The following SLC41A3 variants were observed in gnomAD, a reference collection of about 807,000 sequenced individuals.
SLC41A3 encodes solute carrier family 41 member 3.
A neutral mutation model predicts 45.4 loss-of-function variants in SLC41A3; 44 were observed. That is an observed-to-expected ratio of 0.97 (90% confidence interval 0.76 to 1.25). The LOEUF is 1.25. Among genes scored for constraint, SLC41A3 ranks in the 50% most tolerant of loss-of-function variants. The probability of loss-of-function intolerance (pLI) is 0.00; values close to 1 mark genes in which losing one functional copy is unlikely to be tolerated. For missense variants in SLC41A3, 550 were observed against 600.6 expected, an observed-to-expected ratio of 0.92 and a Z score of 0.88; for synonymous variants, 256 against 252.4, an observed-to-expected ratio of 1.01 and a Z score of -0.13.
At chr3:126,052,001 G>T (rs1316044793) in intron 2 of SLC41A3, among the ~76,000 whole-genome samples, 1 of 152,164 alleles carries the variant, frequency 6.6e-6, no homozygotes, top group East Asian at 1.9e-4. Context: ...TTGACCAGGC[G>T]TGAAGGTGAA....
chr3:126,029,371 C>CG (rs563795643), intron 4 of SLC41A3, among the ~76,000 whole-genome samples: 215 of 151,404 alleles, frequency 1.4e-3, no homozygotes, highest in African/African-American at 4.8e-3. Context: ...GGCACTCCCT[C>CG]CCCCACCACT....
At chr3:126,088,272 A>G (rs1028583681), upstream of SLC41A3, among the ~76,000 whole-genome samples, 5 of 152,152 alleles carry the variant, frequency 3.3e-5, no homozygotes, top group Admixed American at 3.3e-4. Flanking sequence ...GCTCTAACCT[A>G]GTAACTTTAA....
At chr3:126,023,180 G>T (rs1383858108) in intron 5 of SLC41A3, 8 of 514,724 alleles carry the variant, frequency 1.6e-5, no homozygotes, top group Non-Finnish European at 2.8e-5. Flanking sequence ...TGTGACCTGT[G>T]CACATGATGC....
At chr3:126,074,783 T>G (rs1944798593) in intron 1 of SLC41A3, among the ~76,000 whole-genome samples, 1 of 152,196 alleles carries the variant, frequency 6.6e-6, no homozygotes. Flanking sequence ...TAGGCTCAAG[T>G]AATCCTCCCA....
chr3:126,013,424 A>G (rs550938205), intron 8 of SLC41A3, among the ~76,000 whole-genome samples: 1 of 152,028 alleles, frequency 6.6e-6, no homozygotes, highest in African/African-American at 2.4e-5. Context: ...TTAGCTGGGC[A>G]TGGTGGTGCA....
At chr3:126,087,347 TA>T (rs766412661), upstream of SLC41A3, among the ~76,000 whole-genome samples, 2 of 152,096 alleles carry the variant, frequency 1.3e-5, no homozygotes, top group Non-Finnish European at 2.9e-5. Context: ...TTTTTGTTAA[TA>T]ATCCAGGTAA....
chr3:126,091,280 G>T (rs976636650), intron 1 of SLC41A3, among the ~76,000 whole-genome samples: 1 of 152,334 alleles, frequency 6.6e-6, no homozygotes, highest in African/African-American at 2.4e-5. Context: ...ACATGCTCAT[G>T]ACACAGCCTC....
At chr3:126,089,536 A>G (rs1945451634) in intron 1 of SLC41A3, among the ~76,000 whole-genome samples, 1 of 152,214 alleles carries the variant, frequency 6.6e-6, no homozygotes, top group African/African-American at 2.4e-5. Flanking sequence ...GAAATTGGAC[A>G]CACCAAATGG....
chr3:126,019,593 G>C (rs145715231), intron 6 of SLC41A3, among the ~76,000 whole-genome samples: 1 of 152,174 alleles, frequency 6.6e-6, no homozygotes, highest in Non-Finnish European at 1.5e-5. Flanking sequence ...GGTGGTACAG[G>C]CATAAGGCAG....
chr3:126,046,761 AGACC>A (rs1475125571), intron 3 of SLC41A3, among the ~76,000 whole-genome samples: 1 of 20,632 alleles, frequency 4.8e-5, no homozygotes, highest in African/African-American at 8.5e-5. Context: ...CAGGAGTTCA[AGACC>A]AGCCTGGCCA....
chr3:126,017,680 G>A (rs1940444089), intron 6 of SLC41A3, among the ~76,000 whole-genome samples: 1 of 152,216 alleles, frequency 6.6e-6, no homozygotes, highest in Admixed American at 6.5e-5. Flanking sequence ...CTGGAGGGCA[G>A]GCTCACCTGC....
intron 8 of SLC41A3, 127 bp from the exon 9 acceptor site, chr3:126,012,876 T>G (rs558648430): frequency 3.6e-6 from 5 of 1,376,568 alleles, no homozygotes; most frequent in Admixed American, 4.7e-5. Flanking sequence ...ATCTTTTCCT[T>G]TCCTCCCACT....
rs1419326058 is a variant in SLC41A3, at chr3:126,026,475, TG to T, written c.457del (p.Gln153ArgfsTer50). The T allele has an allele frequency of 1.9e-6, 3 of 1,600,872 alleles. No individual in the cohort carries two copies. The highest frequency in any genetic ancestry group is 2.6e-6 in the Non-Finnish European group (3 of 1,173,312). ...AGCCAAGAGCCCCACGACAGTGGCC[TG>T]CACCTGTTGGACAGAAATCAGAAGC... ...ISSNLALIQV[Q>X]ATVVGLLAAV... On this transcript the variant is annotated frameshift_variant, in exon 5 of 11. Transcript: ENST00000360370. LOFTEE classifies it high-confidence loss of function. This position sits in a 1 kb window ranked among gnomAD's most constrained non-coding sequence, Gnocchi z 4.2.
In SLC41A3 at chr3:126,056,078, G is replaced by C. The variant is rs541382443; in HGVS notation, c.274-5028C>G. Among the ~76,000 whole-genome samples, 97 of 152,216 alleles carry C rather than the reference G, an allele frequency of 6.4e-4. 1 individual carries two copies. Among genetic ancestry groups the C allele is most frequent in the Non-Finnish European group, 1.1e-3 (73 of 68,038 alleles). On this transcript the variant is annotated intron_variant, in intron 2 of 10. Coordinates refer to ENST00000360370, the MANE Select transcript of SLC41A3 (RefSeq NM_017836.4). ...TGCCTCCTGAGCCCACATACACTGGGAGGAAGGCGGTTTGAGCTCCTTGGG... is the reference window on the plus strand; with the variant it reads ...TGCCTCCTGAGCCCACATACACTGGCAGGAAGGCGGTTTGAGCTCCTTGGG...
At chr3:126,058,399 C>T (rs533911072) in intron 2 of SLC41A3, among the ~76,000 whole-genome samples, 1 of 152,348 alleles carries the variant, frequency 6.6e-6, no homozygotes, top group South Asian at 2.1e-4. Flanking sequence ...TAGGGATGAG[C>T]ATGTATCTCA....
In SLC41A3 at chr3:126,033,631, G is replaced by T. The variant is rs1476499682; in HGVS notation, c.429C>A (p.Ile143=). 1 of 1,613,050 alleles carries T rather than the reference G, an allele frequency of 6.2e-7. No homozygotes were observed. Among genetic ancestry groups the T allele is most frequent in the Non-Finnish European group, 8.5e-7 (1 of 1,179,882 alleles). ...CCTGGATGAGGGCCAGGTTGCTGCT[G>T]ATGACTCTGTGCTGCTCCTGGGGGT... ...IDDPQEQHRV[I]SSNLALIQVQ... The change falls in exon 4 of 11, where the codon ATC becomes ATA. Residue 143 remains isoleucine (I), a synonymous_variant. Transcript: ENST00000360370.
In SLC41A3 at chr3:126,007,047, C is replaced by T. The variant is rs1423673430; in HGVS notation, c.1433G>A (p.Gly478Asp). The T allele has an allele frequency of 1.2e-6, 2 of 1,614,166 alleles. No individual in the cohort carries two copies. The highest frequency in any genetic ancestry group is 2.2e-5 in the South Asian group (2 of 91,082). ...AGGTCCAGATGCCAGTTCTGAGATG[C>T]CACCCAGCTCTGCCTTGCTCTTCAG... ...WLLKSKAELG[G>D]ISELASGPP is the part of the protein sequence containing the mutation. The change falls in exon 11 of 11, where the codon GGC becomes GAC. Residue 478 changes from glycine (G) to aspartate (D), a missense_variant. By Grantham distance (94) the Gly-to-Asp change is moderately conservative. Transcript: ENST00000360370.
At chr3:126,029,548 C>T (rs756119195) in intron 4 of SLC41A3, among the ~76,000 whole-genome samples, 8 of 152,166 alleles carry the variant, frequency 5.3e-5, no homozygotes, top group Non-Finnish European at 1.0e-4. Context: ...TTATAAATTA[C>T]CCAGTCTCAG....
intron 1 of SLC41A3, among the ~76,000 whole-genome samples, chr3:126,082,082 G>C (rs1426982672): frequency 6.6e-6 from 1 of 152,244 alleles, no homozygotes. Context: ...CCCCTTGCAG[G>C]GTGGGGGATC....
Sources: allele counts gnomAD v4.1 joint callset (sites outside exome capture counted in the v4.1 genomes callset), GRCh38; gene constraint gnomAD v4.1.1; non-coding constraint Gnocchi (gnomAD v3.1); transcripts MANE v1.5; gene names NCBI Gene and HGNC (gene_info 2026-07-23, HGNC 2026-07-21).